MGA: variants seen among roughly 807,000 people sequenced by gnomAD.
MGA encodes the protein MAX dimerization protein MGA.
MGA carries 40 observed loss-of-function variants against 261.1 expected under a neutral mutation model. That is an observed-to-expected ratio of 0.15 (90% confidence interval 0.12 to 0.20). MGA has a LOEUF of 0.20. Ranked by LOEUF, MGA falls within the 10% of genes least tolerant of loss-of-function variation. The pLI, the probability that MGA is intolerant of heterozygous loss-of-function variation, is 1.00. For synonymous variants in MGA, 1,302 were observed against 1,290.6 expected, an observed-to-expected ratio of 1.01 and a Z score of -0.19; for missense variants, 3,397 against 3,630.5, an observed-to-expected ratio of 0.94 and a Z score of 1.65.
upstream of MGA, among the ~76,000 whole-genome samples, chr15:41,656,862 G>A (rs565895135): frequency 1.3e-5 from 2 of 151,984 alleles, no homozygotes; most frequent in Non-Finnish European, 2.9e-5. Context: ...CTGTAGCCTC[G>A]ACCTCCTGTG....
upstream of MGA, among the ~76,000 whole-genome samples, chr15:41,657,052 T>C (rs1236743363): frequency 6.6e-6 from 1 of 152,218 alleles, no homozygotes; most frequent in Non-Finnish European, 1.5e-5. Context: ...AGTGCTGGGA[T>C]TACAGGCGTG....
At chr15:41,697,064 C>A (rs2059577670) in intron 3 of MGA, 41 bp downstream of exon 3, 2 of 1,412,448 alleles carry the variant, frequency 1.4e-6, no homozygotes, top group South Asian at 2.9e-5. Context: ...GCTAATTAGT[C>A]ATACTTGAAT....
chr15:41,696,581 A>G lies in MGA; in HGVS notation c.1571A>G (p.Lys524Arg), dbSNP rs781474240. The stretch of plus-strand genomic sequence containing the variant: ...AATGAGACTGCCTTCTGCTTAGGCA[A>G]GGAATCAGAAAATGGTCTTAGAAAA... The change falls in exon 3 of 24, where the codon AAG becomes AGG. Residue 524 changes from lysine to arginine, a missense_variant. Lys to Arg is a conservative substitution (Grantham distance 26, BLOSUM62 2). This residue lies in a region of MGA where 563 missense variants were observed against 563.6 expected (regional missense o/e 1.00). Transcript: ENST00000219905. The G allele has an allele frequency of 6.2e-7, 1 of 1,614,014 alleles. No individual in the cohort carries two copies. Among genetic ancestry groups the G allele is most frequent in the African/African-American group, 1.3e-5 (1 of 75,074 alleles).
intron 5 of MGA, among the ~76,000 whole-genome samples, chr15:41,706,109 C>T (rs1305988402): frequency 1.3e-5 from 2 of 151,638 alleles, no homozygotes; most frequent in African/African-American, 2.4e-5. Context: ...TGGTGGCACA[C>T]GCCTGTAATC....
At chr15:41,633,452 C>G (rs1021890492) in intron 1 of MGA, among the ~76,000 whole-genome samples, 3 of 150,556 alleles carry the variant, frequency 2.0e-5, no homozygotes, top group Non-Finnish European at 2.9e-5. Context: ...CTCCTGGGCT[C>G]AAGTGATCCT....
intron 1 of MGA, among the ~76,000 whole-genome samples, chr15:41,653,179 C>G (rs1230383007): frequency 1.3e-5 from 2 of 151,860 alleles, no homozygotes; most frequent in Non-Finnish European, 2.9e-5. Flanking sequence ...CCAGCCTGGC[C>G]AAGATGGCTA....
intron 14 of MGA, among the ~76,000 whole-genome samples, chr15:41,741,204 G>A (rs972192513): frequency 1.3e-5 from 2 of 151,862 alleles, no homozygotes; most frequent in African/African-American, 2.4e-5. Context: ...AAAATTAGCC[G>A]GGAGTGGTGG....
At chr15:41,728,403 A>G (rs576017552) in intron 10 of MGA, among the ~76,000 whole-genome samples, 3 of 152,344 alleles carry the variant, frequency 2.0e-5, no homozygotes, top group South Asian at 4.1e-4. Context: ...CAAATTCTGC[A>G]TATAATTTTC....
chr15:41,733,871 CTG>C (rs375536035), intron 11 of MGA, among the ~76,000 whole-genome samples: 1,749 of 150,672 alleles, frequency 0.012, 15 homozygotes, highest in Middle Eastern at 0.042. Flanking sequence ...ATTAATTTGT[CTG>C]TAATTATTAG....
intron 1 of MGA, among the ~76,000 whole-genome samples, chr15:41,624,555 G>A (rs975552014): frequency 6.6e-6 from 1 of 152,082 alleles, no homozygotes; most frequent in African/African-American, 2.4e-5. Context: ...GGCTGGTCTC[G>A]AGCTGCTGAC....
intron 12 of MGA, among the ~76,000 whole-genome samples, chr15:41,735,112 C>T (rs538098087): frequency 8.5e-5 from 13 of 152,246 alleles, no homozygotes; most frequent in African/African-American, 2.4e-4. Context: ...TCTTAAAAAA[C>T]GTCATGGTAC....
rs752731544 is a variant in MGA, at chr15:41,696,209, T to C, written c.1199T>C (p.Val400Ala). The C allele has an allele frequency of 6.2e-7, 1 of 1,613,830 alleles. No individual in the cohort carries two copies. The highest frequency in any genetic ancestry group is 8.5e-7 in the Non-Finnish European group (1 of 1,179,866). ...GAACTTGGTGAGTGCCCAGAAGGGG[T>C]CACTGTGAAACAGGAAGAGACAGAT... The change falls in exon 3 of 24, where the codon GTC becomes GCC. Residue 400 changes from valine to alanine, a missense_variant. Val to Ala is a moderately conservative substitution (Grantham distance 64). This residue lies in a region of MGA where 563 missense variants were observed against 563.6 expected (regional missense o/e 1.00). Coordinates refer to ENST00000219905, the MANE Select transcript of MGA (RefSeq NM_001164273.2).
At chr15:41,632,372 A>T (rs1312686725) in intron 1 of MGA, among the ~76,000 whole-genome samples, 3 of 152,224 alleles carry the variant, frequency 2.0e-5, no homozygotes, top group Admixed American at 6.5e-5. Context: ...TAGCCTGGGC[A>T]TGCACAATAG....
rs947608693 is a variant in MGA at position 41,769,204 on chromosome 15, A to C, written c.*1924A>C. Reference sequence around the variant, plus strand: ...CCCCTACATTTCCTCCTGATTTCCCAAGACTCTCTTTGTGGCTTTTGAGGG... The same window carrying C: ...CCCCTACATTTCCTCCTGATTTCCCCAGACTCTCTTTGTGGCTTTTGAGGG... On this transcript the variant is annotated 3_prime_UTR_variant, in exon 24 of 24. Coordinates refer to ENST00000219905, the MANE Select transcript of MGA (RefSeq NM_001164273.2). 6.6e-6 allele frequency: 1 copy of C among 152,184 alleles called. No individual in the cohort carries two copies. 9.4% of individuals were successfully genotyped at this position (152,184 alleles called of 1,614,324 possible). A position where few individuals can be genotyped will look rare whatever the true frequency, so the allele number is the denominator to read the frequency against.
chr15:41,649,979 C>T (rs556017713), intron 1 of MGA, among the ~76,000 whole-genome samples: 3 of 152,276 alleles, frequency 2.0e-5, no homozygotes, highest in African/African-American at 7.2e-5. Context: ...CCGCGCCCAG[C>T]CTTCCACACC....
intron 2 of MGA, among the ~76,000 whole-genome samples, chr15:41,686,106 A>G (rs766170991): frequency 1.3e-5 from 2 of 152,138 alleles, no homozygotes; most frequent in Admixed American, 6.5e-5. Flanking sequence ...GAAATTTTCT[A>G]CATGTACAGT....
intron 14 of MGA, among the ~76,000 whole-genome samples, chr15:41,741,486 C>A (rs1050692886): frequency 1.3e-5 from 2 of 151,626 alleles, no homozygotes; most frequent in Non-Finnish European, 2.9e-5. Context: ...ATATGTAATA[C>A]GTAAGCATCT....
chr15:41,694,769 C>T (rs2059467285), intron 2 of MGA, among the ~76,000 whole-genome samples: 1 of 152,106 alleles, frequency 6.6e-6, no homozygotes, highest in Non-Finnish European at 1.5e-5. Flanking sequence ...GCCTCGGCCT[C>T]CCAAAGCACT....
At position 41,713,548 on chromosome 15, in the gene MGA, A is replaced by G. The variant is rs527704067; in HGVS notation, c.3430+52A>G. On this transcript the variant is annotated intron_variant, in intron 9 of 23. Coordinates refer to ENST00000219905, the MANE Select transcript of MGA (RefSeq NM_001164273.2). Reference sequence around the variant, plus strand: ...GTGCCATATCAGTTTTTGGAAAAGTATGGTTATTTTAGAATAATACAACCT... The same window carrying G: ...GTGCCATATCAGTTTTTGGAAAAGTGTGGTTATTTTAGAATAATACAACCT... 1.8e-5 allele frequency: 27 copies of G among 1,468,608 alleles called. No individual in the cohort carries two copies. The South Asian group carries it at 2.0e-4, about 11-fold the overall frequency. 91.0% of individuals were successfully genotyped at this position (1,468,608 alleles called of 1,614,324 possible).
Sources: allele counts gnomAD v4.1 joint callset (sites outside exome capture counted in the v4.1 genomes callset), GRCh38; gene constraint gnomAD v4.1.1; regional missense constraint gnomAD v4.1.1; transcripts MANE v1.5; gene names NCBI Gene and HGNC (gene_info 2026-07-23, HGNC 2026-07-21).